Variants in MGAT4C observed in about 807,000 individuals in gnomAD.
The protein encoded by MGAT4C is alpha-1,3-mannosyl-glycoprotein 4-beta-N-acetylglucosaminyltransferase C.
Under a neutral mutation model 40.1 loss-of-function variants are expected in MGAT4C, and 19 were observed. The ratio of observed to expected loss-of-function variants is 0.47; its 90% confidence interval spans 0.33 to 0.70. The LOEUF (loss-of-function observed/expected upper bound fraction) is 0.70, where lower values mean the gene tolerates loss of function less well. Ranked by LOEUF, MGAT4C falls within the 30% of genes least tolerant of loss-of-function variation. The probability of loss-of-function intolerance (pLI) is 0.02; values close to 1 mark genes in which losing one functional copy is unlikely to be tolerated. For synonymous variants in MGAT4C, 181 were observed against 187.1 expected, an observed-to-expected ratio of 0.97 and a Z score of 0.27; for missense variants, 491 against 563.2, an observed-to-expected ratio of 0.87 and a Z score of 1.30.
At chr12:86,794,841 A>T (rs1420514647) in intron 1 of MGAT4C, among the ~76,000 whole-genome samples, 1 of 151,874 alleles carries the variant, frequency 6.6e-6, no homozygotes, top group African/African-American at 2.4e-5. Context: ...TCAGATTTAT[A>T]AAGTTTCATT....
intron 3 of MGAT4C, among the ~76,000 whole-genome samples, chr12:85,985,802 AACTAGTG>A (rs1885134910): frequency 6.6e-6 from 1 of 152,202 alleles, no homozygotes; most frequent in South Asian, 2.1e-4. Flanking sequence ...GCCAAAATGT[AACTAGTG>A]ACTCAGTTTA....
At chr12:86,584,735 A>C (rs1383286472) in intron 2 of MGAT4C, among the ~76,000 whole-genome samples, 1 of 151,274 alleles carries the variant, frequency 6.6e-6, no homozygotes, top group Non-Finnish European at 1.5e-5. Context: ...GTGAAGTCCA[A>C]TTTTATTGGA....
chr12:86,371,604 T>C (rs1484842746), intron 3 of MGAT4C, among the ~76,000 whole-genome samples: 1 of 151,932 alleles, frequency 6.6e-6, no homozygotes, highest in East Asian at 1.9e-4. Context: ...TTATAAAGCC[T>C]CCCTCCCTAT....
At chr12:86,816,131 C>G (rs1172603447) in intron 1 of MGAT4C, among the ~76,000 whole-genome samples, 1 of 151,786 alleles carries the variant, frequency 6.6e-6, no homozygotes, top group African/African-American at 2.4e-5. Context: ...AAAGGGCCTG[C>G]TTTTAAGATT....
intron 3 of MGAT4C, among the ~76,000 whole-genome samples, chr12:86,408,711 A>C (rs2136243430): frequency 6.6e-6 from 1 of 151,858 alleles, no homozygotes; most frequent in Non-Finnish European, 1.5e-5. Context: ...TTTGTGACTC[A>C]GAAAAACAAG....
chr12:86,569,976 T>C (rs1960296352), intron 2 of MGAT4C, among the ~76,000 whole-genome samples: 1 of 152,064 alleles, frequency 6.6e-6, no homozygotes, highest in African/African-American at 2.4e-5. Context: ...TTATCTCACT[T>C]ATATATAGAA....
chr12:86,345,832 G>A (rs1297550484), intron 3 of MGAT4C, among the ~76,000 whole-genome samples: 1 of 152,298 alleles, frequency 6.6e-6, no homozygotes, highest in East Asian at 1.9e-4. Flanking sequence ...TCGCCACACC[G>A]ACCTTCACAA....
At chr12:86,197,237 C>T (rs1238453000) in intron 1 of MGAT4C, among the ~76,000 whole-genome samples, 1 of 152,138 alleles carries the variant, frequency 6.6e-6, no homozygotes, top group Non-Finnish European at 1.5e-5. Flanking sequence ...CATGTATCTA[C>T]CAATATTCTG....
chr12:86,247,084 AC>A (rs1952069734), intron 1 of MGAT4C, among the ~76,000 whole-genome samples: 1 of 152,212 alleles, frequency 6.6e-6, no homozygotes, highest in African/African-American at 2.4e-5. Flanking sequence ...TCTGTGTGTT[AC>A]AAATGACCAT....
At chr12:86,229,334 G>T (rs982743061) in intron 1 of MGAT4C, among the ~76,000 whole-genome samples, 7 of 151,638 alleles carry the variant, frequency 4.6e-5, no homozygotes, top group African/African-American at 1.7e-4. Context: ...TCTTTTCTTT[G>T]TTCTCATGAA....
At chr12:86,633,439 TA>T (rs1963124216) in intron 2 of MGAT4C, among the ~76,000 whole-genome samples, 1 of 152,208 alleles carries the variant, frequency 6.6e-6, no homozygotes, top group East Asian at 1.9e-4. Context: ...ACATCTTCTA[TA>T]TCTCAAACTT....
At chr12:86,831,494 A>G (rs1036824036) in intron 1 of MGAT4C, among the ~76,000 whole-genome samples, 1 of 151,820 alleles carries the variant, frequency 6.6e-6, no homozygotes, top group Non-Finnish European at 1.5e-5. Flanking sequence ...CACACATGAC[A>G]CCAATGTGTA....
exon 3 of MGAT4C, chr12:86,435,212 A>G (rs1281736666): frequency 6.6e-6 from 1 of 151,954 alleles, no homozygotes; most frequent in East Asian, 1.9e-4. Context: ...CTTGTTTGAA[A>G]GACAGATCCA....
intron 2 of MGAT4C, among the ~76,000 whole-genome samples, chr12:86,675,627 T>C (rs1964373590): frequency 6.6e-6 from 1 of 152,222 alleles, no homozygotes; most frequent in Admixed American, 6.6e-5. Context: ...AGGATACAAT[T>C]GGTCTGAAAT....
At chr12:86,182,487 C>A (rs948301784) in intron 1 of MGAT4C, among the ~76,000 whole-genome samples, 1 of 152,070 alleles carries the variant, frequency 6.6e-6, no homozygotes, top group Non-Finnish European at 1.5e-5. Flanking sequence ...TCCCACCTTT[C>A]CCATTCTGTC....
Position 85,962,671 on chromosome 12 carries a change from C to A in MGAT4C, c.*16618G>T, listed in dbSNP as rs1883175734. ...ACTTGTAATGAACTGTAAACTTCAC[C>A]CATAACATTATTAATATATCAGTGC... On this transcript the variant is annotated 3_prime_UTR_variant, in exon 5 of 5. Coordinates refer to ENST00000611864, the MANE Select transcript of MGAT4C (RefSeq NM_001351288.2). 6.7e-6 allele frequency: 1 copy of A among 150,338 alleles called. No homozygotes were observed. Among genetic ancestry groups the A allele is most frequent in the South Asian group, 2.1e-4 (1 of 4,782 alleles). The allele number at this position is 150,338 out of a possible 1,614,324, so 9.3% of individuals were successfully genotyped here.
chr12:86,455,687 A>G (rs1592868332), intron 2 of MGAT4C, among the ~76,000 whole-genome samples: 1 of 152,038 alleles, frequency 6.6e-6, no homozygotes, highest in African/African-American at 2.4e-5. Context: ...ATAATGTTAA[A>G]TTAGACAATA....
intron 1 of MGAT4C, among the ~76,000 whole-genome samples, chr12:86,786,317 G>C (rs1951930502): frequency 6.6e-6 from 1 of 151,956 alleles, no homozygotes; most frequent in South Asian, 2.1e-4. Context: ...GAAATCTGTA[G>C]GTTTCTAACA....
At chr12:86,081,562 G>A (rs968537406) in intron 1 of MGAT4C, among the ~76,000 whole-genome samples, 6 of 152,044 alleles carry the variant, frequency 3.9e-5, no homozygotes, top group Non-Finnish European at 5.9e-5. Flanking sequence ...GATAACACTA[G>A]GAAACAATGC....
Sources: allele counts gnomAD v4.1 joint callset (sites outside exome capture counted in the v4.1 genomes callset), GRCh38; gene constraint gnomAD v4.1.1; transcripts MANE v1.5; gene names NCBI Gene and HGNC (gene_info 2026-07-23, HGNC 2026-07-21).